RABAC1: variants seen among roughly 807,000 people sequenced by gnomAD.
RABAC1 encodes the protein prenylated Rab acceptor protein 1.
In RABAC1, 16 loss-of-function variants were observed where a neutral mutation model predicts 22.9. The ratio of observed to expected loss-of-function variants is 0.70; its 90% CI spans 0.47 to 1.06. The LOEUF (loss-of-function observed/expected upper bound fraction) is 1.06, where lower values mean the gene tolerates loss of function less well. RABAC1 is among the 50% of genes least tolerant of loss of function. The probability of loss-of-function intolerance (pLI) is 0.00; values close to 1 mark genes in which losing one functional copy is unlikely to be tolerated. For missense variants in RABAC1, 227 were observed against 246.5 expected (o/e 0.92, Z 0.53); for synonymous variants, 139 against 107.7 (o/e 1.29, Z -1.80).
intron 4 of RABAC1, 30 bp downstream of exon 4, chr19:41,956,988 C>T: frequency 6.2e-7 from 1 of 1,613,250 alleles, no homozygotes; most frequent in Admixed American, 1.7e-5. Flanking sequence ...CTCCCACCAT[C>T]CACCCCAGCT....
rs371469573 is a variant in RABAC1, at chr19:41,959,278, C to T, written c.15G>A (p.Lys5=). The part of the protein sequence containing the change: MAAQ[K]DQQKDAEAEG... Reference sequence around the variant, plus strand: ...CCGCCTCGGCATCTTTCTGCTGGTCCTTCTGCGCTGCCATGTCTGCGTCGT... The same window carrying T: ...CCGCCTCGGCATCTTTCTGCTGGTCTTTCTGCGCTGCCATGTCTGCGTCGT... The change falls in exon 1 of 5, where the codon AAG becomes AAA. Residue 5 remains lysine, a synonymous_variant. Transcript: ENST00000222008. 16 of 1,613,610 alleles carry T rather than the reference C, an allele frequency of 9.9e-6. No individual in the cohort carries two copies. The highest frequency in any genetic ancestry group is 2.2e-5 in the East Asian group (1 of 44,890).
intron 3 of RABAC1, 34 bp downstream of exon 3, chr19:41,958,252 G>A (rs1338859966): frequency 1.4e-5 from 22 of 1,570,644 alleles, no homozygotes; most frequent in Non-Finnish European, 1.6e-5. Flanking sequence ...AGATTTGAGG[G>A]ACCAAGGATT....
At chr19:41,958,154 G>T in intron 3 of RABAC1, 132 bp downstream of exon 3, 1 of 761,234 alleles carries the variant, frequency 1.3e-6, no homozygotes, top group Non-Finnish European at 2.2e-6. Flanking sequence ...AGGTTTGGGG[G>T]ATCTAGTGTA....
chr19:41,959,285 G>C lies in RABAC1; in HGVS notation c.8C>G (p.Ala3Gly). Reference sequence around the variant, plus strand: ...GGCATCTTTCTGCTGGTCCTTCTGCGCTGCCATGTCTGCGTCGTGAGGGGT... The same window carrying C: ...GGCATCTTTCTGCTGGTCCTTCTGCCCTGCCATGTCTGCGTCGTGAGGGGT... MA[A>G]QKDQQKDAEA... is the part of the protein sequence containing the mutation. The change falls in exon 1 of 5, where the codon GCG becomes GGG. Residue 3 changes from alanine to glycine, a missense_variant. Physicochemically the swap from Ala to Gly is moderately conservative, Grantham distance 60. Transcript: ENST00000222008. 6.2e-7 allele frequency: 1 copy of C among 1,613,676 alleles called. No individual in the cohort carries two copies. Among genetic ancestry groups the C allele is most frequent in the Non-Finnish European group, 8.5e-7 (1 of 1,179,924 alleles).
chr19:41,957,805 C>T (rs1386878059), intron 3 of RABAC1: 2 of 162,416 alleles, frequency 1.2e-5, no homozygotes, highest in African/African-American at 4.8e-5. Flanking sequence ...TCCCAGTGGT[C>T]CTTGGTACTA....
rs200068347 is a variant in RABAC1 at position 41,957,004 on chromosome 19, G to C, written c.469+14C>G. 50 of 1,613,644 alleles carry C rather than the reference G, an allele frequency of 3.1e-5. No homozygotes were observed. The highest frequency in any genetic ancestry group is 4.1e-5 in the Non-Finnish European group (48 of 1,179,948). The stretch of plus-strand genomic sequence containing the variant: ...TCCCACCATCCACCCCAGCTGCTCA[G>C]ACCCTGTACTCACCCAGCACCCAGA... On this transcript the variant is annotated intron_variant, in intron 4 of 4. Coordinates refer to ENST00000222008, the MANE Select transcript of RABAC1 (RefSeq NM_006423.3).
chr19:41,957,164 C>G, intron 3 of RABAC1, 45 bp from the exon 4 acceptor site: 1 of 1,518,810 alleles, frequency 6.6e-7, no homozygotes, highest in Non-Finnish European at 9.1e-7. Flanking sequence ...TCTCCATGCC[C>G]TCTCCCAGAG....
intron 3 of RABAC1, 199 bp downstream of exon 3, chr19:41,958,087 T>G: frequency 7.2e-6 from 4 of 552,282 alleles, no homozygotes; most frequent in East Asian, 3.3e-5. Context: ...GGAATAGCAA[T>G]TTGAGGGGGC....
intron 3 of RABAC1, chr19:41,957,428 C>T (rs2074995126): frequency 2.6e-6 from 1 of 380,782 alleles, no homozygotes; most frequent in Non-Finnish European, 4.8e-6. Context: ...GCAACCCTCG[C>T]GCAGACCAGG....
Position 41,958,907 on chromosome 19 carries a change from T to G in RABAC1, c.98A>C (p.Glu33Ala). The G allele has an allele frequency of 1.3e-6, 2 of 1,594,720 alleles. No individual in the cohort carries two copies. The highest frequency in any genetic ancestry group is 1.7e-6 in the Non-Finnish European group (2 of 1,174,632). Residue 33 changes from glutamate (E) to alanine (A), a missense_variant, in exon 2 of 5, where the codon GAG (glutamate) becomes GCG (alanine). By Grantham distance (107) the Glu-to-Ala change is moderately radical. Transcript: ENST00000222008. ...PKLIPSGAGR[E>A]WLERRRATIR... The stretch of plus-strand genomic sequence containing the variant: ...GGTCGCGCGGCGCCGCTCCAGCCAC[T>G]CCCGGCCTGCACCGGAGGGAATCAG...
chr19:41,958,428 G>A (rs781833921), intron 2 of RABAC1, 45 bp from the exon 3 acceptor site: 5 of 1,561,694 alleles, frequency 3.2e-6, no homozygotes, highest in Non-Finnish European at 4.4e-6. Context: ...AGCTGGGGCT[G>A]GGCCAGCCCG....
intron 3 of RABAC1, 139 bp downstream of exon 3, chr19:41,958,147 T>A (rs1156845232): frequency 2.8e-6 from 2 of 725,182 alleles, no homozygotes; most frequent in African/African-American, 3.6e-5. Context: ...AGGGATCAGG[T>A]TTGGGGGATC....
intron 3 of RABAC1, chr19:41,957,345 C>T (rs2074994776): frequency 5.4e-6 from 3 of 551,130 alleles, no homozygotes; most frequent in Non-Finnish European, 6.5e-6. Context: ...CCACCCTCTG[C>T]CCTCTGCCCC....
intron 3 of RABAC1, chr19:41,957,929 G>C (rs781975328): frequency 5.2e-5 from 15 of 287,880 alleles, no homozygotes; most frequent in Non-Finnish European, 9.6e-5. Context: ...CTAGGCCAGT[G>C]TAAGGTGGCC....
rs782005837 is a variant in RABAC1, at chr19:41,958,402, G to A, written c.270-19C>T. 1 of 1,607,124 alleles carries A rather than the reference G, an allele frequency of 6.2e-7. No individual in the cohort carries two copies. Among genetic ancestry groups the A allele is most frequent in the South Asian group, 1.1e-5 (1 of 90,428 alleles). ...CGTCACCCTGGAGGAGGAGTGCAGG[G>A]AGGCAGCGGTTAGACAGCTGGGGCT... On this transcript the variant is annotated intron_variant, in intron 2 of 4. Transcript: ENST00000222008.
intron 2 of RABAC1, 25 bp downstream of exon 2, chr19:41,958,711 G>C (rs1244735316): frequency 1.2e-6 from 2 of 1,602,058 alleles, no homozygotes; most frequent in African/African-American, 1.3e-5. Context: ...GGCTAGTGCG[G>C]GTGCGGGGCC....
rs1555856998 is a variant in RABAC1, at chr19:41,958,315, C to T, written c.338G>A (p.Arg113His). Reference protein sequence around the residue: ...FFGACYILYLRTLESKLVLFG... With the variant: ...FFGACYILYLHTLESKLVLFG... ...GAGCACAAGCTTGGACTCCAAGGTG[C>T]GCAGATAGAGAATGTAACAGGCGCC... The change falls in exon 3 of 5, where the codon CGC (arginine) becomes CAC (histidine). Residue 113 changes from arginine to histidine, a missense_variant. By Grantham distance (29) the Arg-to-His change is conservative (BLOSUM62 0). Coordinates refer to ENST00000222008, the MANE Select transcript of RABAC1 (RefSeq NM_006423.3). The T allele has an allele frequency of 2.5e-6, 4 of 1,613,082 alleles. No individual in the cohort carries two copies. The highest frequency in any genetic ancestry group is 1.3e-5 in the African/African-American group (1 of 74,902).
Position 41,956,852 on chromosome 19 carries a change from G to T in RABAC1, c.552C>A (p.Pro184=), listed in dbSNP as rs10182. The change falls in exon 5 of 5, where the codon CCC becomes CCA. Residue 184 remains proline (P), a synonymous_variant. Coordinates refer to ENST00000222008, the MANE Select transcript of RABAC1 (RefSeq NM_006423.3). ...GCAGGTCCCAGAAGACACCTCACACGGGTTCCATCTGCAGCTCCTCCCCGT... is the reference window on the plus strand; with the variant it reads ...GCAGGTCCCAGAAGACACCTCACACTGGTTCCATCTGCAGCTCCTCCCCGT... ...AVDGEELQME[P]V 2 of 1,610,290 alleles carry T rather than the reference G, an allele frequency of 1.2e-6. No individual in the cohort carries two copies. Among genetic ancestry groups the T allele is most frequent in the East Asian group, 4.5e-5 (2 of 44,842 alleles).
chr19:41,956,837 GAA>G lies in RABAC1; in HGVS notation c.*7_*8del. ...TGGCCCGGGAGGCCGGCAGGTCCCAGAAGACACCTCACACGGGTTCCATCTGC... is the reference window on the plus strand; with the variant it reads ...TGGCCCGGGAGGCCGGCAGGTCCCAGGACACCTCACACGGGTTCCATCTGC... On this transcript the variant is annotated 3_prime_UTR_variant, in exon 5 of 5. Transcript: ENST00000222008. The G allele has an allele frequency of 6.2e-7, 1 of 1,605,226 alleles. No individual in the cohort carries two copies. The highest frequency in any genetic ancestry group is 8.5e-7 in the Non-Finnish European group (1 of 1,175,332).
Sources: gnomAD v4.1 joint callset for allele counts on GRCh38, gnomAD v4.1.1 for gene constraint, MANE v1.5 for transcripts, NCBI Gene and HGNC (gene_info 2026-07-23, HGNC 2026-07-21) for gene names.